Variants in RFX3 observed in about 807,000 individuals in gnomAD.
RFX3 encodes transcription factor RFX3.
Under a neutral mutation model 98.6 loss-of-function variants are expected in RFX3, and 14 were observed. That is an observed-to-expected ratio of 0.14 (90% confidence interval 0.09 to 0.22). The LOEUF (loss-of-function observed/expected upper bound fraction) is 0.22, where lower values mean the gene tolerates loss of function less well. Ranked by LOEUF, RFX3 falls within the 10% of genes least tolerant of loss-of-function variation. RFX3 has a pLI of 1.00. For synonymous variants in RFX3, 383 were observed against 328.4 expected, an observed-to-expected ratio of 1.17 and a Z score of -1.80; for missense variants, 639 against 926.9, an observed-to-expected ratio of 0.69 and a Z score of 4.03.
intron 4 of RFX3, among the ~76,000 whole-genome samples, chr9:3,319,760 C>T (rs1831039417): frequency 6.6e-6 from 1 of 151,548 alleles, no homozygotes; most frequent in Non-Finnish European, 1.5e-5. Context: ...GAACTAGCTC[C>T]ATTAGCCCAT....
chr9:3,244,809 T>C (rs1259625642), intron 15 of RFX3, among the ~76,000 whole-genome samples: 1 of 152,230 alleles, frequency 6.6e-6, no homozygotes, highest in Non-Finnish European at 1.5e-5. Flanking sequence ...GCTATAGTTA[T>C]GTGACTATGT....
chr9:3,498,958 C>T (rs1282270300), intron 1 of RFX3, among the ~76,000 whole-genome samples: 3 of 152,022 alleles, frequency 2.0e-5, no homozygotes, highest in Non-Finnish European at 4.4e-5. Context: ...GTTTAAAGGG[C>T]TTAATACTTT....
intron 2 of RFX3, among the ~76,000 whole-genome samples, chr9:3,386,724 G>A (rs1380130235): frequency 2.0e-5 from 3 of 152,176 alleles, no homozygotes. Flanking sequence ...AGCTTGTCCA[G>A]AAGTGCACAG....
chr9:3,398,149 T>C (rs766857307), intron 1 of RFX3, among the ~76,000 whole-genome samples: 5 of 152,038 alleles, frequency 3.3e-5, no homozygotes, highest in Non-Finnish European at 7.4e-5. Flanking sequence ...ACACACACAA[T>C]CTTTGAACCA....
At chr9:3,323,205 C>T (rs1214624830) in intron 4 of RFX3, among the ~76,000 whole-genome samples, 1 of 152,120 alleles carries the variant, frequency 6.6e-6, no homozygotes, top group Non-Finnish European at 1.5e-5. Context: ...AACTAATATG[C>T]ACAGGAACAT....
intron 15 of RFX3, among the ~76,000 whole-genome samples, chr9:3,241,168 A>G (rs540157753): frequency 8.6e-5 from 13 of 151,890 alleles, no homozygotes; most frequent in African/African-American, 3.1e-4. Flanking sequence ...TCTCTGAAAT[A>G]GTATTGACAG....
intron 6 of RFX3, among the ~76,000 whole-genome samples, chr9:3,288,804 A>C (rs3012691): frequency 0.032 from 4,906 of 152,176 alleles, 199 homozygotes; most frequent in African/African-American, 0.096. Flanking sequence ...GACTTACTTA[A>C]TATTTTGAAA....
At chr9:3,331,315 C>T (rs1440645991) in intron 3 of RFX3, among the ~76,000 whole-genome samples, 12 of 152,148 alleles carry the variant, frequency 7.9e-5, no homozygotes. Flanking sequence ...CCTTCCCTCC[C>T]TTTTCTGTTC....
chr9:3,469,272 ATAC>A (rs1452675271), intron 1 of RFX3: 1 of 411,790 alleles, frequency 2.4e-6, no homozygotes, highest in East Asian at 7.2e-5. Context: ...CTGTGTTCAT[ATAC>A]TATTTCATAT....
intron 3 of RFX3, among the ~76,000 whole-genome samples, chr9:3,335,142 T>A (rs1444398823): frequency 6.6e-6 from 1 of 151,432 alleles, no homozygotes; most frequent in Non-Finnish European, 1.5e-5. Context: ...AATAAAATAA[T>A]AATAATAATA....
chr9:3,332,902 C>T (rs1161439769), intron 3 of RFX3, among the ~76,000 whole-genome samples: 4 of 146,504 alleles, frequency 2.7e-5, no homozygotes, highest in Non-Finnish European at 6.1e-5. Flanking sequence ...AAGCTCTCAA[C>T]GGAAGCACCT....
At chr9:3,462,899 T>C (rs1268234736) in intron 1 of RFX3, among the ~76,000 whole-genome samples, 1 of 151,988 alleles carries the variant, frequency 6.6e-6, no homozygotes, top group Non-Finnish European at 1.5e-5. Flanking sequence ...TGCAAGACAC[T>C]GGTAAGGGAA....
At chr9:3,386,000 G>A (rs181869633) in intron 2 of RFX3, among the ~76,000 whole-genome samples, 1 of 152,250 alleles carries the variant, frequency 6.6e-6, no homozygotes, top group East Asian at 1.9e-4. Context: ...TACACTGGGT[G>A]CCTATTCAAA....
At chr9:3,417,547 T>G (rs370078826) in intron 1 of RFX3, among the ~76,000 whole-genome samples, 3 of 152,096 alleles carry the variant, frequency 2.0e-5, no homozygotes, top group East Asian at 1.9e-4. Flanking sequence ...ATTTGGAAAC[T>G]GAATAATACA....
intron 2 of RFX3, among the ~76,000 whole-genome samples, chr9:3,366,705 TC>T (rs1471806835): frequency 1.0e-4 from 12 of 118,922 alleles, no homozygotes; most frequent in African/African-American, 4.0e-4. Flanking sequence ...TTTCTTTCTT[TC>T]TTTCTTTCTT....
At chr9:3,368,847 A>G (rs536517150) in intron 2 of RFX3, among the ~76,000 whole-genome samples, 12 of 152,242 alleles carry the variant, frequency 7.9e-5, no homozygotes, top group Non-Finnish European at 1.3e-4. Context: ...ACATCTTAGT[A>G]TAACTAGCTT....
chr9:3,525,723 A>T (rs1293353853), intron 1 of RFX3, 24 bp downstream of exon 1: 1 of 208,410 alleles, frequency 4.8e-6, no homozygotes, highest in Non-Finnish European at 8.4e-6. Context: ...TCCCACACAC[A>T]TGTAGAGACC....
intron 1 of RFX3, among the ~76,000 whole-genome samples, chr9:3,503,167 C>T (rs1335148023): frequency 6.6e-6 from 1 of 152,012 alleles, no homozygotes; most frequent in Non-Finnish European, 1.5e-5. Flanking sequence ...GACTCTGGCC[C>T]ACAGCTTGAG....
At chr9:3,229,118 C>T (rs1818149892) in intron 15 of RFX3, among the ~76,000 whole-genome samples, 1 of 152,136 alleles carries the variant, frequency 6.6e-6, no homozygotes, top group East Asian at 1.9e-4. Flanking sequence ...AGAAGGATAA[C>T]AATTTTCTCT....
Sources: gnomAD v4.1 joint callset for allele counts (sites outside exome capture counted in the v4.1 genomes callset) on GRCh38, gnomAD v4.1.1 for gene constraint, MANE v1.5 for transcripts, NCBI Gene and HGNC (gene_info 2026-07-23, HGNC 2026-07-21) for gene names.